The following THSD4 variants were observed in gnomAD, a reference collection of about 807,000 sequenced individuals.
THSD4 encodes the protein thrombospondin type-1 domain-containing protein 4.
A neutral mutation model predicts 119.0 loss-of-function variants in THSD4; 69 were observed. That is an observed-to-expected ratio of 0.58 (90% confidence interval 0.48 to 0.71). The LOEUF is 0.71. Among genes scored for constraint, THSD4 ranks in the 30% least tolerant of loss-of-function variants. The pLI, the probability that THSD4 is intolerant of heterozygous loss-of-function variation, is 0.00. For missense variants in THSD4, 1,393 were observed against 1,391.1 expected, an observed-to-expected ratio of 1.00 and a Z score of -0.02; for synonymous variants, 524 against 540.4, an observed-to-expected ratio of 0.97 and a Z score of 0.42.
At chr15:71,191,794 T>C (rs1234974966) in intron 3 of THSD4, among the ~76,000 whole-genome samples, 4 of 152,142 alleles carry the variant, frequency 2.6e-5, no homozygotes, top group African/African-American at 9.7e-5. Flanking sequence ...CTCCCAGGTC[T>C]CCGGGTCTCT....
intron 7 of THSD4, among the ~76,000 whole-genome samples, chr15:71,570,467 C>T (rs143089533): frequency 6.0e-4 from 91 of 151,406 alleles, no homozygotes; most frequent in African/African-American, 2.1e-3. Flanking sequence ...AGTACAGTGG[C>T]GCCATCTAGG....
At chr15:71,170,999 A>C (rs1417834513) in intron 3 of THSD4, among the ~76,000 whole-genome samples, 1 of 152,134 alleles carries the variant, frequency 6.6e-6, no homozygotes, top group Non-Finnish European at 1.5e-5. Context: ...GTGAAATATA[A>C]AAAGGAAAAA....
intron 7 of THSD4, among the ~76,000 whole-genome samples, chr15:71,637,652 G>T (rs1292670648): frequency 3.9e-5 from 6 of 152,192 alleles, no homozygotes; most frequent in Non-Finnish European, 8.8e-5. Flanking sequence ...GGGGCTGGGG[G>T]AGGTGGCAAT....
chr15:71,441,759 C>T (rs927602333), intron 7 of THSD4, among the ~76,000 whole-genome samples: 1 of 152,024 alleles, frequency 6.6e-6, no homozygotes, highest in African/African-American at 2.4e-5. Context: ...CTCTCAGGAG[C>T]TGGATCTCCT....
At position 71,737,747 on chromosome 15, in the gene THSD4, G is replaced by T. The variant is rs560855892; in HGVS notation, c.1646G>T (p.Gly549Val). ...CCTCTCCTAGGGGAACCCTTCAATG[G>T]CCAGATGGTGACAGAAGGCAGGAGC... ...PHRRPGEPFN[G>V]QMVTEGRSQE... Residue 549 changes from glycine (G) to valine (V), a missense_variant, in exon 11 of 18, where the codon GGC (glycine) becomes GTC (valine). Transcript: ENST00000261862. The T allele has an allele frequency of 6.2e-7, 1 of 1,611,452 alleles. No homozygotes were observed. Among genetic ancestry groups the T allele is most frequent in the East Asian group, 2.2e-5 (1 of 44,870 alleles).
intron 7 of THSD4, among the ~76,000 whole-genome samples, chr15:71,642,708 C>T (rs903308339): frequency 3.3e-5 from 5 of 151,846 alleles, no homozygotes; most frequent in African/African-American, 1.2e-4. Context: ...GAACAAAAAA[C>T]CAAACACCGC....
chr15:71,756,927 A>C (rs745936391), intron 14 of THSD4, among the ~76,000 whole-genome samples: 1 of 152,214 alleles, frequency 6.6e-6, no homozygotes, highest in African/African-American at 2.4e-5. Flanking sequence ...GGACAGTGTG[A>C]TTGTAGTAGA....
At chr15:71,243,927 G>A (rs2044176791) in intron 5 of THSD4, among the ~76,000 whole-genome samples, 1 of 151,650 alleles carries the variant, frequency 6.6e-6, no homozygotes, top group African/African-American at 2.4e-5. Context: ...TGGGACTACA[G>A]GTGCGCACCA....
intron 7 of THSD4, among the ~76,000 whole-genome samples, chr15:71,652,165 T>A (rs1255303784): frequency 6.6e-6 from 1 of 152,152 alleles, no homozygotes; most frequent in African/African-American, 2.4e-5. Flanking sequence ...GTGTAGGCAG[T>A]GTCTCTCTGC....
intron 8 of THSD4, among the ~76,000 whole-genome samples, chr15:71,711,052 T>C (rs2052501741): frequency 6.7e-6 from 1 of 149,044 alleles, no homozygotes; most frequent in Non-Finnish European, 1.5e-5. Context: ...CTATAAAATA[T>C]GCATGATTAT....
chr15:71,117,603 C>T (rs980467091), intron 1 of THSD4, among the ~76,000 whole-genome samples: 5 of 152,204 alleles, frequency 3.3e-5, no homozygotes, highest in African/African-American at 9.7e-5. Context: ...CCACTGCCCC[C>T]ACCTTCAACC....
At chr15:71,770,729 G>A (rs536452819) in intron 16 of THSD4, among the ~76,000 whole-genome samples, 1 of 152,336 alleles carries the variant, frequency 6.6e-6, no homozygotes, top group Admixed American at 6.5e-5. Context: ...AAGAGAATAA[G>A]AAATTATTGT....
At chr15:71,143,520 T>C (rs1196270829) in intron 2 of THSD4, among the ~76,000 whole-genome samples, 1 of 151,948 alleles carries the variant, frequency 6.6e-6, no homozygotes, top group Non-Finnish European at 1.5e-5. Context: ...AAAGGTAGGT[T>C]CGCCATGTGC....
intron 7 of THSD4, among the ~76,000 whole-genome samples, chr15:71,560,545 G>A (rs1426224101): frequency 6.6e-6 from 1 of 152,206 alleles, no homozygotes; most frequent in Non-Finnish European, 1.5e-5. Context: ...AGAATGCTTA[G>A]GGGTTTCGTA....
intron 6 of THSD4, among the ~76,000 whole-genome samples, chr15:71,292,869 G>C (rs981471004): frequency 1.3e-5 from 2 of 152,020 alleles, no homozygotes; most frequent in African/African-American, 4.8e-5. Flanking sequence ...GTAGAGACAG[G>C]GTTTCACTGT....
chr15:71,534,753 C>T (rs1426050970), intron 7 of THSD4, among the ~76,000 whole-genome samples: 4 of 152,130 alleles, frequency 2.6e-5, no homozygotes, highest in South Asian at 2.1e-4. Context: ...CCAAGGCGGG[C>T]GGATCACCTG....
At chr15:71,228,736 C>T (rs1300049458) in intron 4 of THSD4, among the ~76,000 whole-genome samples, 1 of 152,146 alleles carries the variant, frequency 6.6e-6, no homozygotes, top group African/African-American at 2.4e-5. Context: ...CCTTCCTGCT[C>T]CCAACTCCAT....
intron 8 of THSD4, among the ~76,000 whole-genome samples, chr15:71,697,824 A>C (rs4777440): frequency 0.16 from 24,143 of 152,166 alleles, 2,167 homozygotes; most frequent in East Asian, 0.38. Flanking sequence ...GTTACAAAAT[A>C]TAAATTCATT....
rs147199379 is a variant in THSD4, at chr15:71,264,952, A to G, written c.1015+8237A>G. Among the ~76,000 whole-genome samples the G allele has an allele frequency of 9.2e-3, 1,393 of 152,216 alleles. 18 individuals carry two copies. The highest frequency in any genetic ancestry group is 0.032 in the African/African-American group (1,323 of 41,528). ...AAGTTAGAGCCCTAACCCCCAGCGT[A>G]TTTGAAGATGGGGACTCTAAGGAAC... On this transcript the variant is annotated intron_variant, in intron 6 of 17. Coordinates refer to ENST00000261862, the MANE Select transcript of THSD4 (RefSeq NM_024817.3).
Sources: allele counts gnomAD v4.1 joint callset (sites outside exome capture counted in the v4.1 genomes callset), GRCh38; gene constraint gnomAD v4.1.1; transcripts MANE v1.5; gene names NCBI Gene and HGNC (gene_info 2026-07-23, HGNC 2026-07-21).